Variants in RASEF observed in about 807,000 individuals in gnomAD.
RASEF encodes ras and EF-hand domain-containing protein.
A neutral mutation model predicts 90.1 loss-of-function variants in RASEF; 68 were observed. The observed-to-expected ratio is 0.75, with a 90% CI of 0.62 to 0.92. The LOEUF (loss-of-function observed/expected upper bound fraction) is 0.92. Among genes scored for constraint, RASEF ranks in the 40% least tolerant of loss-of-function variants. RASEF has a pLI of 0.00. For synonymous variants in RASEF, 331 were observed against 345.2 expected (o/e 0.96, Z 0.46); for missense variants, 949 against 937.2 (o/e 1.01, Z -0.16).
At chr9:83,129,687 T>C in the RASEF span, among the ~76,000 whole-genome samples, 1 of 152,116 alleles carries the variant, frequency 6.6e-6, no homozygotes, top group Non-Finnish European at 1.5e-5. Flanking sequence ...AGGAAAAATA[T>C]CCAGGTAGCC....
chr9:82,986,105 A>C (rs1828706157), intron 16 of RASEF, among the ~76,000 whole-genome samples: 1 of 152,236 alleles, frequency 6.6e-6, no homozygotes, highest in Admixed American at 6.5e-5. Context: ...AGTGAAAAGA[A>C]AGAGAGGACA....
At chr9:83,058,172 CTTTTTTTTTTTTTTTTTT>C (rs555842009) in intron 1 of RASEF, among the ~76,000 whole-genome samples, 1 of 57,888 alleles carries the variant, frequency 1.7e-5, no homozygotes, top group African/African-American at 6.9e-5. Flanking sequence ...GTATTTATGT[CTTTTTTTTTTTTTTTTTT>C]TTTTTTTTTT....
At chr9:83,038,198 AAAGT>A (rs1273016599) in intron 1 of RASEF, among the ~76,000 whole-genome samples, 1 of 152,140 alleles carries the variant, frequency 6.6e-6, no homozygotes, top group African/African-American at 2.4e-5. Context: ...TTTGTTAAAG[AAAGT>A]ATTTTGAAAG....
In RASEF at chr9:82,998,352, G is replaced by A. The variant is rs189936358; in HGVS notation, c.1805+13C>T. On this transcript the variant is annotated intron_variant, in intron 13 of 16. Coordinates refer to ENST00000376447, the MANE Select transcript of RASEF (RefSeq NM_152573.4). ...AACCCAGGATATCCCATAGCGCTGC[G>A]GAATGCACTTGCCTCTCCTGACCAG... 2,096 of 1,583,674 alleles carry A rather than the reference G, an allele frequency of 1.3e-3. 4 individuals carry two copies. The highest frequency in any genetic ancestry group is 2.2e-3 in the Middle Eastern group (13 of 5,994).
chr9:83,096,165 G>C, the RASEF span, among the ~76,000 whole-genome samples: 3 of 152,262 alleles, frequency 2.0e-5, no homozygotes, highest in African/African-American at 7.2e-5. Flanking sequence ...ACATACCAGT[G>C]CAATTCCAGT....
chr9:83,134,165 T>TTCTGATG, the RASEF span, among the ~76,000 whole-genome samples: 1 of 152,084 alleles, frequency 6.6e-6, no homozygotes, highest in Non-Finnish European at 1.5e-5. Context: ...ACATCCAGAC[T>TTCTGATG]TTCTGATCCC....
At position 83,000,184 on chromosome 9, in the gene RASEF, T is replaced by A. The variant is rs774280574; in HGVS notation, c.1708A>T (p.Ile570Leu). 3.7e-6 allele frequency: 6 copies of A among 1,613,780 alleles called. No homozygotes were observed. The Admixed American group carries it at 8.3e-5, about 22-fold the overall frequency. The change falls in exon 12 of 17, where the codon ATA becomes TTA. Residue 570 changes from isoleucine (I) to leucine (L), a missense_variant. Physicochemically the swap from Ile to Leu is conservative, Grantham distance 5. Coordinates refer to ENST00000376447, the MANE Select transcript of RASEF (RefSeq NM_152573.4). ...RLCKNEFREN[I>L]SATLGVDFQM... ...CGAGCCATACCCAGGGTGGCGCTTA[T>A]ATTTTCTCGAAATTCATTCTTGCAA...
At chr9:83,046,147 G>A (rs1017813902) in intron 1 of RASEF, among the ~76,000 whole-genome samples, 2 of 151,762 alleles carry the variant, frequency 1.3e-5, no homozygotes, top group Non-Finnish European at 2.9e-5. Context: ...AGGTAAACTC[G>A]TGTCATGAGG....
At chr9:83,190,848 A>G in the RASEF span, among the ~76,000 whole-genome samples, 1 of 152,176 alleles carries the variant, frequency 6.6e-6, no homozygotes, top group Non-Finnish European at 1.5e-5. Context: ...CAATTCATAG[A>G]CTCAGCCTCT....
At chr9:83,026,696 C>T (rs906681965) in intron 1 of RASEF, among the ~76,000 whole-genome samples, 2 of 152,120 alleles carry the variant, frequency 1.3e-5, no homozygotes, top group Non-Finnish European at 1.5e-5. Flanking sequence ...AATGAATATA[C>T]CTATTATGTT....
chr9:83,173,508 G>C, the RASEF span, among the ~76,000 whole-genome samples: 4 of 151,350 alleles, frequency 2.6e-5, no homozygotes, highest in African/African-American at 9.7e-5. Context: ...TGCTTGATCA[G>C]TTTTGCTGCT....
At chr9:83,193,412 C>A in the RASEF span, among the ~76,000 whole-genome samples, 1 of 152,294 alleles carries the variant, frequency 6.6e-6, no homozygotes, top group Admixed American at 6.5e-5. Flanking sequence ...ATCTTTTCCC[C>A]AGTATCACTA....
At chr9:83,125,767 T>A in the RASEF span, among the ~76,000 whole-genome samples, 3 of 152,308 alleles carry the variant, frequency 2.0e-5, no homozygotes, top group African/African-American at 7.2e-5. Flanking sequence ...CAGATAAGGT[T>A]TGGAAAAGTT....
the RASEF span, among the ~76,000 whole-genome samples, chr9:83,110,258 G>A: frequency 2.6e-5 from 4 of 152,210 alleles, no homozygotes; most frequent in Admixed American, 6.5e-5. Context: ...AGTTCCTGTC[G>A]TCCCTAAACC....
the RASEF span, among the ~76,000 whole-genome samples, chr9:83,197,523 T>C: frequency 6.6e-6 from 1 of 151,062 alleles, no homozygotes; most frequent in African/African-American, 2.4e-5. Flanking sequence ...AAGATGATGA[T>C]TTTTTAAAAA....
chr9:83,215,574 A>G, the RASEF span, among the ~76,000 whole-genome samples: 1 of 152,194 alleles, frequency 6.6e-6, no homozygotes, highest in Non-Finnish European at 1.5e-5. Context: ...TCCCATTTCA[A>G]AACTGTGAGT....
At chr9:83,215,693 G>A in the RASEF span, among the ~76,000 whole-genome samples, 1 of 152,224 alleles carries the variant, frequency 6.6e-6, no homozygotes, top group African/African-American at 2.4e-5. Context: ...GTAGGGTGCT[G>A]CTGCAAAGGT....
the RASEF span, among the ~76,000 whole-genome samples, chr9:83,082,166 A>C: frequency 6.6e-6 from 1 of 152,172 alleles, no homozygotes; most frequent in East Asian, 1.9e-4. Flanking sequence ...GGAAAAAACG[A>C]TCCTCGTTCT....
intron 4 of RASEF, among the ~76,000 whole-genome samples, chr9:83,014,083 A>T (rs1829299484): frequency 1.3e-5 from 2 of 152,224 alleles, no homozygotes; most frequent in South Asian, 4.1e-4. Flanking sequence ...GAAATAAGTC[A>T]GGGCAGTGAC....
Sources: allele counts gnomAD v4.1 joint callset (sites outside exome capture counted in the v4.1 genomes callset), GRCh38; gene constraint gnomAD v4.1.1; transcripts MANE v1.5; gene names NCBI Gene and HGNC (gene_info 2026-07-23, HGNC 2026-07-21).